ZNF711: variants seen among roughly 807,000 people sequenced by gnomAD.
The protein encoded by ZNF711 is ZFX family zinc finger ZNF711.
A neutral mutation model predicts 43.5 loss-of-function variants in ZNF711; 3 were observed. The observed-to-expected ratio is 0.07, with a 90% CI of 0.03 to 0.18. ZNF711 has a LOEUF of 0.18. ZNF711 is among the 10% of genes least tolerant of loss of function. The probability of loss-of-function intolerance (pLI) is 1.00; values close to 1 mark genes in which losing one functional copy is unlikely to be tolerated. For synonymous variants in ZNF711, 209 were observed against 207.7 expected (o/e 1.01, Z -0.06); for missense variants, 412 against 604.0 (o/e 0.68, Z 3.33).
intron 5 of ZNF711, among the ~76,000 whole-genome samples, chrX:85,258,415 G>C (rs1207048382): frequency 5.4e-5 from 6 of 110,427 alleles, no homozygotes; most frequent in Non-Finnish European, 1.1e-4. Flanking sequence ...GTAAACATTG[G>C]GTACAGTGTA....
Position 85,247,579 on chromosome X carries a change from T to A in ZNF711, c.7T>A (p.Ser3Thr). The A allele has an allele frequency of 8.3e-7, 1 of 1,208,497 alleles. No individual in the cohort carries two copies. The highest frequency in any genetic ancestry group is 1.1e-6 in the Non-Finnish European group (1 of 893,326). Residue 3 changes from serine (S) to threonine (T), a missense_variant, in exon 4 of 11, where the codon TCA (serine) becomes ACA (threonine). By Grantham distance (58) the Ser-to-Thr change is moderately conservative. This residue lies in a region of ZNF711 where 375 missense variants were observed against 514.2 expected (regional missense o/e 0.73). Coordinates refer to ENST00000674551, the MANE Select transcript of ZNF711 (RefSeq NM_001330574.2). ...TGAATGAACTTTGCTAAGTATGGAT[T>A]CAGGCGGTGGAAGTCTTGGATTGCA... is the stretch of plus-strand genomic sequence containing the variant. MD[S>T]GGGSLGLHTP...
At chrX:85,258,467 C>T (rs948394388) in intron 5 of ZNF711, among the ~76,000 whole-genome samples, 4 of 110,019 alleles carry the variant, frequency 3.6e-5, no homozygotes, top group Admixed American at 1.9e-4. Context: ...CATAAATCAC[C>T]GCTAAAGAAC....
At chrX:85,252,960 G>C (rs1929677878) in intron 4 of ZNF711, among the ~76,000 whole-genome samples, 1 of 111,803 alleles carries the variant, frequency 8.9e-6, no homozygotes, top group Admixed American at 9.5e-5. Context: ...TGAACACTAT[G>C]TGACAAATAA....
In ZNF711 at chrX:85,272,992, T is replaced by C. The variant is rs1206245961; in HGVS notation, c.*1164T>C. ...ATTAAAAGCTGGTTTAGGGAAATTT[T>C]ATGAAAATCCTGTTCATAAATGTAA... On this transcript the variant is annotated 3_prime_UTR_variant, in exon 11 of 11. Transcript: ENST00000674551. 2 of 112,131 alleles carry C rather than the reference T, an allele frequency of 1.8e-5. No homozygotes were observed. Among genetic ancestry groups the C allele is most frequent in the African/African-American group, 6.5e-5 (2 of 30,851 alleles). The allele number at this position is 112,131 out of a possible 1,213,427, so 9.2% of individuals were successfully genotyped here.
At position 85,271,418 on chromosome X, in the gene ZNF711, A is replaced by G; in HGVS notation, c.2014A>G (p.Lys672Glu). 1 of 1,211,214 alleles carries G rather than the reference A, an allele frequency of 8.3e-7. No homozygotes were observed. Among genetic ancestry groups the G allele is most frequent in the Non-Finnish European group, 1.1e-6 (1 of 895,281 alleles). ...DFPHKCEVCD[K>E]GFHRPSELKK... ...TCCTCACAAATGTGAGGTCTGTGAT[A>G]AAGGTTTTCATCGTCCTTCTGAGCT... The change falls in exon 11 of 11, where the codon AAA (lysine) becomes GAA (glutamate). Residue 672 changes from lysine to glutamate, a missense_variant. This residue lies in a region of ZNF711 where 375 missense variants were observed against 514.2 expected (regional missense o/e 0.73). Transcript: ENST00000674551.
rs1257067808 is a variant in ZNF711, at chrX:85,264,536, G to A, written c.778+106G>A. ...CTCAAAGCATGGGTTTTTTTAATAC[G>A]TTTTCTTTGGGAATAGTCTACTTTT... On this transcript the variant is annotated intron_variant, in intron 6 of 10. Transcript: ENST00000674551. 2.7e-5 allele frequency: 20 copies of A among 729,776 alleles called. No individual in the cohort carries two copies. In the East Asian group the frequency reaches 4.0e-4, roughly 14 times the overall value. 60.1% of individuals were successfully genotyped at this position (729,776 alleles called of 1,213,427 possible).
intron 2 of ZNF711, 66 bp downstream of exon 2, chrX:85,246,088 C>G (rs1388560809): frequency 8.9e-6 from 1 of 111,783 alleles, no homozygotes; most frequent in Non-Finnish European, 1.9e-5. Context: ...TTTTTAAAAA[C>G]ATTTTCAGAC....
chrX:85,244,488 G>A (rs1928822762), intron 1 of ZNF711, among the ~76,000 whole-genome samples: 1 of 111,434 alleles, frequency 9.0e-6, no homozygotes, highest in Admixed American at 9.4e-5. Context: ...GGTGGTTTAG[G>A]GTGACGGTAA....
rs1239492186 is a variant in ZNF711, at chrX:85,270,664, T to G, written c.1260T>G (p.Gly420=). ...TRQWQTAVII[G]PDGQPLTVYP... ...TTCTTTATCTAGCTGTTATAATAGGTCCTGATGGACAGCCCCTCACAGTGT... is the reference window on the plus strand; with the variant it reads ...TTCTTTATCTAGCTGTTATAATAGGGCCTGATGGACAGCCCCTCACAGTGT... The change falls in exon 11 of 11, where the codon GGT becomes GGG. Residue 420 remains glycine (G), a synonymous_variant. Transcript: ENST00000674551. 6 of 1,205,405 alleles carry G rather than the reference T, an allele frequency of 5.0e-6. No individual in the cohort carries two copies. The South Asian group carries it at 1.1e-4, about 21-fold the overall frequency.
chrX:85,265,957 G>A (rs900780644), intron 7 of ZNF711, among the ~76,000 whole-genome samples: 7 of 111,474 alleles, frequency 6.3e-5, no homozygotes, highest in African/African-American at 2.3e-4. Flanking sequence ...ACCACAGGAC[G>A]ATCAAACCTC....
Position 85,244,150 on chromosome X carries a change from C to CTGT in ZNF711, c.-447_-446insTGT, listed in dbSNP as rs1388707784. On this transcript the variant is annotated 5_prime_UTR_variant, in exon 1 of 11. Transcript: ENST00000674551. ...GCGGCGGCGGCGGCGGCGGCGGCAG[C>CTGT]GGCGGCGGCAGCGGCGGCGGCAGCT... The CTGT allele has an allele frequency of 4.0e-5, 6 of 150,098 alleles. No homozygotes were observed. Among genetic ancestry groups the CTGT allele is most frequent in the African/African-American group, 9.7e-5 (3 of 30,988 alleles). 12.4% of individuals were successfully genotyped at this position (150,098 alleles called of 1,213,427 possible).
At chrX:85,250,871 G>C (rs1468719056) in intron 4 of ZNF711, among the ~76,000 whole-genome samples, 1 of 110,884 alleles carries the variant, frequency 9.0e-6, no homozygotes, top group Non-Finnish European at 1.9e-5. Context: ...TTCATTTATA[G>C]GCATTTTCAT....
At chrX:85,260,466 C>T (rs956078959) in intron 5 of ZNF711, among the ~76,000 whole-genome samples, 3 of 110,852 alleles carry the variant, frequency 2.7e-5, no homozygotes, top group Non-Finnish European at 3.8e-5. Context: ...ATATAATTTA[C>T]ACATCCTTTT....
rs780682526 is a variant in ZNF711 at position 85,256,484 on chromosome X, A to T, written c.622+683A>T. Among the ~76,000 whole-genome samples, 200 of 111,832 alleles carry T rather than the reference A, an allele frequency of 1.8e-3. 1 individual carries two copies. The highest frequency in any genetic ancestry group is 6.2e-3 in the African/African-American group (190 of 30,885). On this transcript the variant is annotated intron_variant, in intron 5 of 10. Transcript: ENST00000674551. ...AAATATCTTGATAAGTTATTGATGG[A>T]GCTTAAAGAAGTAGGTATATTAGTT... is the stretch of plus-strand genomic sequence containing the variant.
At chrX:85,254,154 A>AT (rs1929811471) in intron 4 of ZNF711, among the ~76,000 whole-genome samples, 1 of 110,508 alleles carries the variant, frequency 9.0e-6, no homozygotes, top group Admixed American at 9.6e-5. Flanking sequence ...ATATATTTTC[A>AT]TTTTTCTGGG....
In ZNF711 at chrX:85,271,735, T is replaced by C. The variant is rs769403062; in HGVS notation, c.2331T>C (p.Tyr777=). Residue 777 remains tyrosine, a synonymous_variant, in exon 11 of 11, where the codon TAT becomes TAC. Transcript: ENST00000674551. ...RHVISIHTKD[Y]PHRCEFCKKG... ...TGATATCAATACATACAAAAGACTATCCACACAGGTGTGAATTCTGCAAGA... is the reference window on the plus strand; with the variant it reads ...TGATATCAATACATACAAAAGACTACCCACACAGGTGTGAATTCTGCAAGA... 3 of 1,210,588 alleles carry C rather than the reference T, an allele frequency of 2.5e-6. No individual in the cohort carries two copies. In the Admixed American group the frequency reaches 6.5e-5, roughly 26 times the overall value.
At chrX:85,266,106 A>C (rs1931074988) in intron 7 of ZNF711, among the ~76,000 whole-genome samples, 1 of 111,109 alleles carries the variant, frequency 9.0e-6, no homozygotes, top group Non-Finnish European at 1.9e-5. Context: ...TGAGAAAAAC[A>C]CAATATTGCC....
Position 85,268,305 on chromosome X carries a change from A to G in ZNF711, c.1066A>G (p.Arg356Gly). The G allele has an allele frequency of 8.5e-7, 1 of 1,174,316 alleles. No individual in the cohort carries two copies. Among genetic ancestry groups the G allele is most frequent in the Non-Finnish European group, 1.1e-6 (1 of 873,646 alleles). The change falls in exon 9 of 11, where the codon AGA becomes GGA. Residue 356 changes from arginine to glycine, a missense_variant. By Grantham distance (125) the Arg-to-Gly change is moderately radical (BLOSUM62 -2). Around this residue, in one of 4 missense-constraint regions of ZNF711, gnomAD observed 375 missense variants for 514.2 expected, o/e 0.73. Transcript: ENST00000674551. Reference sequence around the variant, plus strand: ...TTTTTTTTTTTTAGGAGATGAAAGAAGAGTTTCCCGAAGGTATGAAGATTG... The same window carrying G: ...TTTTTTTTTTTTAGGAGATGAAAGAGGAGTTTCCCGAAGGTATGAAGATTG... ...VWAAAYGDER[R>G]VSRRYEDCQA...
chrX:85,265,335 T>C, intron 7 of ZNF711, 80 bp downstream of exon 7: 2 of 1,049,982 alleles, frequency 1.9e-6, no homozygotes. Flanking sequence ...ATACAAGCAC[T>C]GTATAGGAAC....
Sources: gnomAD v4.1 joint callset for allele counts (sites outside exome capture counted in the v4.1 genomes callset) on GRCh38, gnomAD v4.1.1 for gene constraint, gnomAD v4.1.1 regional missense constraint, MANE v1.5 for transcripts, NCBI Gene and HGNC (gene_info 2026-07-23, HGNC 2026-07-21) for gene names.